The following KANSL1L variants were observed in gnomAD, a reference collection of about 807,000 sequenced individuals.
The protein encoded by KANSL1L is KAT8 regulatory NSL complex subunit 1 like.
In KANSL1L, 25 loss-of-function variants were observed where a neutral mutation model predicts 108.6. That is an observed-to-expected ratio of 0.23 (90% CI 0.17 to 0.32). The LOEUF is 0.32. KANSL1L is among the 10% of genes least tolerant of loss of function. KANSL1L has a pLI of 1.00. For synonymous variants in KANSL1L, 405 were observed against 395.1 expected (o/e 1.03, Z -0.30); for missense variants, 1,137 against 1,125.7 (o/e 1.01, Z -0.14).
At chr2:210,163,889 CATA>C (rs750819514) in intron 1 of KANSL1L, among the ~76,000 whole-genome samples, 2 of 151,940 alleles carry the variant, frequency 1.3e-5, no homozygotes, top group Non-Finnish European at 2.9e-5. Context: ...ATAGCAGGCT[CATA>C]ATAAATATTT....
chr2:210,110,764 A>C (rs2094896186), intron 3 of KANSL1L, among the ~76,000 whole-genome samples: 1 of 152,188 alleles, frequency 6.6e-6, no homozygotes, highest in Non-Finnish European at 1.5e-5. Flanking sequence ...GTAGCAGAGA[A>C]TATGCTAGAC....
chr2:210,066,635 T>G (rs1037125035), intron 6 of KANSL1L, among the ~76,000 whole-genome samples: 10 of 152,178 alleles, frequency 6.6e-5, no homozygotes, highest in Non-Finnish European at 1.5e-4. Flanking sequence ...CCCATCAGCC[T>G]TCCCAAAGTG....
intron 1 of KANSL1L, among the ~76,000 whole-genome samples, chr2:210,160,746 T>C (rs1290560649): frequency 6.6e-6 from 1 of 152,224 alleles, no homozygotes; most frequent in African/African-American, 2.4e-5. Flanking sequence ...CAAACTGATT[T>C]ATAAGTTTAG....
intron 2 of KANSL1L, among the ~76,000 whole-genome samples, chr2:210,136,821 A>G (rs2095178091): frequency 6.6e-6 from 1 of 152,218 alleles, no homozygotes; most frequent in Non-Finnish European, 1.5e-5. Flanking sequence ...TTATTAATCA[A>G]AAAAATGACT....
At chr2:210,063,913 A>G (rs2094443418) in intron 6 of KANSL1L, 1 of 152,080 alleles carries the variant, frequency 6.6e-6, no homozygotes, top group Non-Finnish European at 1.5e-5. Flanking sequence ...AAATGTGAGG[A>G]CGTGAGATTT....
chr2:210,035,482 GTTGT>G (rs772111944), intron 8 of KANSL1L, among the ~76,000 whole-genome samples: 29 of 152,122 alleles, frequency 1.9e-4, no homozygotes, highest in Non-Finnish European at 3.5e-4. Context: ...GATATTTGTT[GTTGT>G]TTGTTTGTTT....
chr2:210,031,923 C>A (rs1040113141), intron 8 of KANSL1L, among the ~76,000 whole-genome samples: 2 of 152,196 alleles, frequency 1.3e-5, no homozygotes, highest in Non-Finnish European at 2.9e-5. Flanking sequence ...TCAGACTAGA[C>A]TGTGCGAGCA....
intron 5 of KANSL1L, among the ~76,000 whole-genome samples, chr2:210,093,089 T>C (rs756317437): frequency 1.3e-5 from 2 of 152,218 alleles, no homozygotes; most frequent in Non-Finnish European, 2.9e-5. Flanking sequence ...AGATTTTATT[T>C]CATCTTCCTG....
In KANSL1L at chr2:210,024,116, C is replaced by A. The variant is rs145827684; in HGVS notation, c.2650G>T (p.Ala884Ser). The A allele has an allele frequency of 4.3e-6, 7 of 1,609,496 alleles. No individual in the cohort carries two copies. Among genetic ancestry groups the A allele is most frequent in the Middle Eastern group, 3.3e-4 (2 of 6,076 alleles). Residue 884 changes from alanine (A) to serine (S), a missense_variant, in exon 14 of 15, where the codon GCA becomes TCA. Around this residue, in one of 3 missense-constraint regions of KANSL1L, gnomAD observed 575 missense variants for 567.1 expected, o/e 1.01. Coordinates refer to ENST00000281772, the MANE Select transcript of KANSL1L (RefSeq NM_152519.4). The part of the protein sequence containing the change: ...NFSSSQQCAA[A>S]SPPGLPSENQ... The stretch of plus-strand genomic sequence containing the variant: ...TCTGAAGGAAGCCCAGGAGGACTTG[C>A]AGCAGCACATTGCTGACTGCTACTG...
intron 2 of KANSL1L, among the ~76,000 whole-genome samples, chr2:210,142,567 GTTGT>G (rs1213888666): frequency 1.3e-5 from 2 of 151,992 alleles, no homozygotes; most frequent in Non-Finnish European, 2.9e-5. Flanking sequence ...GAAGTATAAT[GTTGT>G]TTGAGATGAC....
At chr2:210,085,938 T>C (rs940165590) in intron 5 of KANSL1L, among the ~76,000 whole-genome samples, 1 of 150,208 alleles carries the variant, frequency 6.7e-6, no homozygotes, top group Admixed American at 6.6e-5. Context: ...AATTATTATA[T>C]ATAATATTGT....
At chr2:210,169,219 G>C (rs1398325986) in intron 1 of KANSL1L, among the ~76,000 whole-genome samples, 4 of 152,026 alleles carry the variant, frequency 2.6e-5, no homozygotes, top group Non-Finnish European at 5.9e-5. Context: ...AAATCTAAGG[G>C]GGGGAAATTT....
rs138274248 is a variant in KANSL1L, at chr2:210,160,212, A to G, written c.-29-5601T>C. Among the ~76,000 whole-genome samples, 183 of 152,354 alleles carry G rather than the reference A, an allele frequency of 1.2e-3. 6 individuals are homozygous for G. In the East Asian group the frequency reaches 0.033, roughly 27 times the overall value. On this transcript the variant is annotated intron_variant, in intron 1 of 14. Coordinates refer to ENST00000281772, the MANE Select transcript of KANSL1L (RefSeq NM_152519.4). Reference sequence around the variant, plus strand: ...AATCTGATAAAAAGCATGTACACAAATGCCTATAGCTCACATCATAATTAA... The same window carrying G: ...AATCTGATAAAAAGCATGTACACAAGTGCCTATAGCTCACATCATAATTAA...
intron 5 of KANSL1L, among the ~76,000 whole-genome samples, chr2:210,082,775 CAAATT>C (rs2094600551): frequency 2.6e-5 from 4 of 152,164 alleles, no homozygotes; most frequent in Admixed American, 1.3e-4. Context: ...ACACCATTCT[CAAATT>C]AAACTACTTA....
At chr2:210,065,201 A>C (rs2094455927) in intron 6 of KANSL1L, among the ~76,000 whole-genome samples, 1 of 144,334 alleles carries the variant, frequency 6.9e-6, no homozygotes, top group Non-Finnish European at 1.5e-5. Context: ...CTGAGGCAGG[A>C]AAATCACTTG....
At position 210,022,143 on chromosome 2, in the gene KANSL1L, C is replaced by T. The variant is rs1438165066; in HGVS notation, c.*806G>A. 4.0e-5 allele frequency: 6 copies of T among 151,488 alleles called. No homozygotes were observed. Among genetic ancestry groups the T allele is most frequent in the Non-Finnish European group, 8.8e-5 (6 of 67,884 alleles). The allele number at this position is 151,488 out of a possible 1,614,324, so 9.4% of individuals were successfully genotyped here. Reference sequence around the variant, plus strand: ...TCAAAGATGTGATAGTATTAAAGTGCACCAATATTTGACTCAAATTTGCTT... The same window carrying T: ...TCAAAGATGTGATAGTATTAAAGTGTACCAATATTTGACTCAAATTTGCTT... On this transcript the variant is annotated 3_prime_UTR_variant, in exon 15 of 15. Coordinates refer to ENST00000281772, the MANE Select transcript of KANSL1L (RefSeq NM_152519.4).
intron 5 of KANSL1L, among the ~76,000 whole-genome samples, chr2:210,086,060 ATT>A (rs573878200): frequency 1.2e-3 from 177 of 151,978 alleles, no homozygotes; most frequent in Non-Finnish European, 1.7e-3. Context: ...AGGGTAAAAA[ATT>A]TACTTTTTAT....
At chr2:210,122,043 A>T (rs1470287769) in intron 3 of KANSL1L, among the ~76,000 whole-genome samples, 1 of 152,186 alleles carries the variant, frequency 6.6e-6, no homozygotes, top group Non-Finnish European at 1.5e-5. Context: ...GAGGATACAC[A>T]CAAAAAGGAG....
chr2:210,155,938 A>G (rs537846120), intron 1 of KANSL1L, among the ~76,000 whole-genome samples: 1 of 152,324 alleles, frequency 6.6e-6, no homozygotes, highest in African/African-American at 2.4e-5. Flanking sequence ...CCAAAAGCTG[A>G]TTCTTTACAA....
Sources: gnomAD v4.1 joint callset for allele counts (sites outside exome capture counted in the v4.1 genomes callset) on GRCh38, gnomAD v4.1.1 for gene constraint, gnomAD v4.1.1 regional missense constraint, MANE v1.5 for transcripts, NCBI Gene and HGNC (gene_info 2026-07-23, HGNC 2026-07-21) for gene names.